SUZ12: variants seen among roughly 807,000 people sequenced by gnomAD.
The protein encoded by SUZ12 is polycomb protein SUZ12.
Under a neutral mutation model 87.3 loss-of-function variants are expected in SUZ12, and 17 were observed. The ratio of observed to expected loss-of-function variants is 0.19; its 90% CI spans 0.13 to 0.29. The LOEUF (loss-of-function observed/expected upper bound fraction) is 0.29, where lower values mean the gene tolerates loss of function less well. Ranked by LOEUF, SUZ12 falls within the 10% of genes least tolerant of loss-of-function variation. The pLI is 1.00. For synonymous variants in SUZ12, 253 were observed against 312.4 expected (o/e 0.81, Z 2.01); for missense variants, 526 against 912.2 (o/e 0.58, Z 5.45).
Position 31,999,891 on chromosome 17 carries a change from A to G in SUZ12, c.*888A>G. On this transcript the variant is annotated 3_prime_UTR_variant, in exon 16 of 16. Transcript: ENST00000322652. ...TTTGAGATTTTAAGATGTCACTTAT[A>G]AGGGGAGAAGTGTTCTTAAAAAGTC... The G allele has an allele frequency of 4.3e-6, 1 of 232,758 alleles. No homozygotes were observed. 14.4% of individuals were successfully genotyped at this position (232,758 alleles called of 1,614,324 possible).
chr17:31,951,891 C>T (rs546601053), intron 4 of SUZ12, among the ~76,000 whole-genome samples: 2 of 151,686 alleles, frequency 1.3e-5, no homozygotes, highest in African/African-American at 4.8e-5. Context: ...TCTCCTGCCG[C>T]AGCCTCCCTA....
At chr17:31,950,089 G>A (rs1363018031) in intron 4 of SUZ12, among the ~76,000 whole-genome samples, 1 of 151,740 alleles carries the variant, frequency 6.6e-6, no homozygotes, top group Non-Finnish European at 1.5e-5. Context: ...TCTGCCTCCC[G>A]TGTTCTCCTG....
At chr17:31,970,346 G>A (rs1246879643) in intron 5 of SUZ12, among the ~76,000 whole-genome samples, 6 of 152,210 alleles carry the variant, frequency 3.9e-5, no homozygotes, top group East Asian at 1.9e-4. Flanking sequence ...AAGTGTTGCC[G>A]GCCAGGCGCA....
intron 3 of SUZ12, among the ~76,000 whole-genome samples, chr17:31,946,732 A>G (rs1643315164): frequency 6.6e-6 from 1 of 152,212 alleles, no homozygotes; most frequent in African/African-American, 2.4e-5. Flanking sequence ...ATATATGGGT[A>G]TAGATTTTTA....
intron 10 of SUZ12, among the ~76,000 whole-genome samples, chr17:31,990,908 C>T (rs1477707995): frequency 1.9e-4 from 29 of 152,002 alleles, no homozygotes; most frequent in Non-Finnish European, 2.9e-5. Context: ...CCACCACGCC[C>T]TGTTAATTTT....
chr17:31,996,024 C>T (rs1205299067), intron 14 of SUZ12, among the ~76,000 whole-genome samples: 1 of 152,112 alleles, frequency 6.6e-6, no homozygotes, highest in East Asian at 1.9e-4. Context: ...GTCTGGACAG[C>T]ATGGTGAAAC....
Position 31,937,440 on chromosome 17 carries a change from G to C in SUZ12, c.194G>C (p.Gly65Ala), listed in dbSNP as rs776238079. The C allele has an allele frequency of 6.5e-7, 1 of 1,541,800 alleles. No homozygotes were observed. Among genetic ancestry groups the C allele is most frequent in the Admixed American group, 2.0e-5 (1 of 50,722 alleles). Reference protein sequence around the residue: ...SSSSSAAAAAGAAVLPVKKPK... With the variant: ...SSSSSAAAAAAAAVLPVKKPK... ...TCCTCCTCCGCGGCGGCAGCGGCGG[G>C]GGCTGCGGTGTTACCGGTGAAGAAG... The change falls in exon 1 of 16, where the codon GGG becomes GCG. Residue 65 changes from glycine to alanine, a missense_variant. Gly to Ala is a moderately conservative substitution (Grantham distance 60, BLOSUM62 0). Around this residue, in one of 9 missense-constraint regions of SUZ12, gnomAD observed 92 missense variants for 109.9 expected, o/e 0.84. Coordinates refer to ENST00000322652, the MANE Select transcript of SUZ12 (RefSeq NM_015355.4).
chr17:31,961,324 A>T (rs1598160827), intron 4 of SUZ12, among the ~76,000 whole-genome samples: 1 of 152,188 alleles, frequency 6.6e-6, no homozygotes, highest in Admixed American at 6.5e-5. Flanking sequence ...AGGTGGGTGG[A>T]TCACCTGAGG....
intron 5 of SUZ12, among the ~76,000 whole-genome samples, chr17:31,969,401 G>A (rs1908283679): frequency 6.6e-6 from 1 of 151,980 alleles, no homozygotes; most frequent in African/African-American, 2.4e-5. Flanking sequence ...TGCCCACCTC[G>A]GCCTCCCAAA....
intron 8 of SUZ12, among the ~76,000 whole-genome samples, chr17:31,978,611 A>G (rs1304154919): frequency 6.6e-6 from 1 of 152,192 alleles, no homozygotes; most frequent in Non-Finnish European, 1.5e-5. Flanking sequence ...TGTGGGGGAA[A>G]CAATTAGAAT....
intron 2 of SUZ12, 42 bp downstream of exon 2, chr17:31,940,374 T>C (rs371659052): frequency 1.9e-6 from 3 of 1,592,264 alleles, no homozygotes; most frequent in Admixed American, 1.9e-5. Context: ...TTCTCTCTTA[T>C]AACTGCATCT....
intron 4 of SUZ12, chr17:31,964,060 TC>T (rs1005856847): frequency 1.3e-5 from 2 of 152,222 alleles, no homozygotes; most frequent in Non-Finnish European, 2.9e-5. Context: ...GGAGTCTTGC[TC>T]TGTTGCCCAG....
intron 4 of SUZ12, among the ~76,000 whole-genome samples, chr17:31,958,169 C>T (rs1312304881): frequency 3.3e-5 from 5 of 151,826 alleles, no homozygotes; most frequent in East Asian, 2.0e-4. Flanking sequence ...CCCAAAGTGC[C>T]GGGATTGCAG....
intron 3 of SUZ12, among the ~76,000 whole-genome samples, chr17:31,944,489 T>C (rs1906498142): frequency 6.6e-6 from 1 of 152,196 alleles, no homozygotes; most frequent in South Asian, 2.1e-4. Flanking sequence ...TTTGTCCCAT[T>C]GCAGGATATG....
intron 5 of SUZ12, among the ~76,000 whole-genome samples, chr17:31,968,893 T>C (rs1377495136): frequency 1.3e-5 from 2 of 152,256 alleles, no homozygotes; most frequent in Non-Finnish European, 2.9e-5. Context: ...CCTATCTTCA[T>C]GACAAAATAT....
rs560340105 is a variant in SUZ12 at position 31,979,159 on chromosome 17, T to TAA, written c.917+2547_917+2548dup. ...AACGATAGGAAAGTTGAAAGAATAC[T>TAA]AAAGTCATTTAATATCCACATACCC... On this transcript the variant is annotated intron_variant, in intron 8 of 15. Coordinates refer to ENST00000322652, the MANE Select transcript of SUZ12 (RefSeq NM_015355.4). Among the ~76,000 whole-genome samples, 24 of 146,654 alleles carry TAA rather than the reference T, an allele frequency of 1.6e-4. No individual in the cohort carries two copies. In the South Asian group the frequency reaches 4.3e-3, roughly 26 times the overall value.
chr17:31,983,446 AT>A (rs200477098), intron 9 of SUZ12, among the ~76,000 whole-genome samples: 23,441 of 150,582 alleles, frequency 0.16, 2,023 homozygotes, highest in African/African-American at 0.22. Context: ...CGCCTGGCTA[AT>A]TTTTTTTTAT....
rs747299817 is a variant in SUZ12, at chr17:31,975,702, A to G, written c.812A>G (p.Asn271Ser). ...EFNGMINGET[N>S]ENIDVNEELP... ...AATGGAATGATTAATGGAGAAACCAATGAAAATATTGGTAATTTTTTTTTT... is the reference window on the plus strand; with the variant it reads ...AATGGAATGATTAATGGAGAAACCAGTGAAAATATTGGTAATTTTTTTTTT... Residue 271 changes from asparagine (N) to serine (S), a missense_variant, in exon 7 of 16, where the codon AAT becomes AGT. This residue lies in a region of SUZ12 where 73 missense variants were observed against 133.8 expected (regional missense o/e 0.55). Transcript: ENST00000322652. The G allele has an allele frequency of 1.2e-5, 20 of 1,603,762 alleles. No homozygotes were observed. The highest frequency in any genetic ancestry group is 1.4e-5 in the Non-Finnish European group (17 of 1,177,072).
At chr17:31,980,930 A>T (rs1909066880) in intron 8 of SUZ12, among the ~76,000 whole-genome samples, 1 of 151,992 alleles carries the variant, frequency 6.6e-6, no homozygotes. Context: ...ACTTTGGAAG[A>T]CCAAGGTGAG....
Sources: allele counts gnomAD v4.1 joint callset (sites outside exome capture counted in the v4.1 genomes callset), GRCh38; gene constraint gnomAD v4.1.1; regional missense constraint gnomAD v4.1.1; transcripts MANE v1.5; gene names NCBI Gene and HGNC (gene_info 2026-07-23, HGNC 2026-07-21).